The following MAPK8IP3 variants were observed in gnomAD, a reference collection of about 807,000 sequenced individuals.
The protein encoded by MAPK8IP3 is C-Jun-amino-terminal kinase-interacting protein 3.
MAPK8IP3 carries 49 observed loss-of-function variants against 157.8 expected under a neutral mutation model. That is an observed-to-expected ratio of 0.31 (90% CI 0.25 to 0.39). The LOEUF is 0.39. Among genes scored for constraint, MAPK8IP3 ranks in the 10% least tolerant of loss-of-function variants. The probability of loss-of-function intolerance (pLI) is 1.00; values close to 1 mark genes in which losing one functional copy is unlikely to be tolerated. For missense variants in MAPK8IP3, 1,478 were observed against 1,889.4 expected, an observed-to-expected ratio of 0.78 and a Z score of 4.04; for synonymous variants, 897 against 777.7, an observed-to-expected ratio of 1.15 and a Z score of -2.55.
chr16:1,744,563 A>G, intron 5 of MAPK8IP3: 1 of 985,630 alleles, frequency 1.0e-6, no homozygotes, highest in Non-Finnish European at 1.2e-6. Context: ...TTCTGGGCCC[A>G]GCCCTGCCAC....
At chr16:1,765,827 C>A in intron 20 of MAPK8IP3, 133 bp from the exon 21 acceptor site, 1 of 791,642 alleles carries the variant, frequency 1.3e-6, no homozygotes, top group Non-Finnish European at 2.0e-6. Context: ...GTGGGTGGAG[C>A]ATGTGTGGAA....
intron 1 of MAPK8IP3, among the ~76,000 whole-genome samples, chr16:1,721,449 T>C (rs756777853): frequency 6.6e-6 from 1 of 152,188 alleles, no homozygotes; most frequent in Non-Finnish European, 1.5e-5. Flanking sequence ...AAACCTTTTT[T>C]TTTAGAGAGA....
At chr16:1,739,426 G>C (rs147076168) in intron 4 of MAPK8IP3, among the ~76,000 whole-genome samples, 4 of 141,048 alleles carry the variant, frequency 2.8e-5, no homozygotes, top group Non-Finnish European at 6.2e-5. Flanking sequence ...CCCTGTGACC[G>C]TCCGTGTGAG....
In MAPK8IP3 at chr16:1,729,155, C is replaced by T. The variant is rs766431769; in HGVS notation, c.457C>T (p.Arg153Trp). 2.5e-6 allele frequency: 4 copies of T among 1,614,044 alleles called. No homozygotes were observed. Among genetic ancestry groups the T allele is most frequent in the South Asian group, 1.1e-5 (1 of 91,092 alleles). The change falls in exon 3 of 32, where the codon CGG (arginine) becomes TGG (tryptophan). Residue 153 changes from arginine to tryptophan, a missense_variant. This residue lies in a region of MAPK8IP3 where 315 missense variants were observed against 394.4 expected (regional missense o/e 0.80). Transcript: ENST00000610761. ...YADQISRLEERESEMKKEYNA... is the reference protein window; with the variant it reads ...YADQISRLEEWESEMKKEYNA... ...TTTTCCAGTTTCCCGGTTGGAGGAG[C>T]GGGAGTCGGAGATGAAGAAGGAGTA...
At chr16:1,757,542 A>G (rs1253107156) in intron 8 of MAPK8IP3, among the ~76,000 whole-genome samples, 5 of 152,278 alleles carry the variant, frequency 3.3e-5, no homozygotes, top group South Asian at 4.1e-4. Flanking sequence ...GGGAGGGGCC[A>G]GGACCCAGTG....
chr16:1,758,576 C>G (rs2041755859), intron 9 of MAPK8IP3, among the ~76,000 whole-genome samples: 1 of 152,226 alleles, frequency 6.6e-6, no homozygotes, highest in African/African-American at 2.4e-5. Context: ...GAGTCCTGCT[C>G]TCTGGCTGCA....
At chr16:1,739,198 CCGTGTGAGCGTCCGTGTGAG>C (rs2040406351) in intron 4 of MAPK8IP3, among the ~76,000 whole-genome samples, 1 of 114,650 alleles carries the variant, frequency 8.7e-6, no homozygotes, top group Non-Finnish European at 1.7e-5. Context: ...GTGTGACCGT[CCGTGTGAGCGTCCGTGTGAG>C]CGTGTGACCG....
Position 1,724,117 on chromosome 16 carries a change from T to A in MAPK8IP3, c.319-440T>A, listed in dbSNP as rs1273753316. 2.6e-5 allele frequency among the ~76,000 whole-genome samples: 4 copies of A among 152,152 alleles called. No individual in the cohort carries two copies. The highest frequency in any genetic ancestry group is 2.9e-5 in the Non-Finnish European group (2 of 68,018). The stretch of plus-strand genomic sequence containing the variant: ...ACAGGACTGGCTGTGTGCTCATGGA[T>A]CCCAGTGTAAAAATGGAAACACAGG... On this transcript the variant is annotated intron_variant, in intron 1 of 31. Transcript: ENST00000610761. This position sits in a 1 kb window ranked among gnomAD's most constrained non-coding sequence, Gnocchi z 4.1.
At chr16:1,725,303 C>G (rs941300834) in intron 2 of MAPK8IP3, among the ~76,000 whole-genome samples, 2 of 150,744 alleles carry the variant, frequency 1.3e-5, no homozygotes, top group Non-Finnish European at 2.9e-5. Context: ...TTGATACTGC[C>G]GTGTGGGCAC....
chr16:1,756,586 C>T (rs1472019377), intron 8 of MAPK8IP3, among the ~76,000 whole-genome samples: 2 of 151,228 alleles, frequency 1.3e-5, no homozygotes, highest in Non-Finnish European at 2.9e-5. Context: ...AGTTGAAGAC[C>T]AGCCTGGGCA....
At chr16:1,711,611 G>A (rs911798493) in intron 1 of MAPK8IP3, among the ~76,000 whole-genome samples, 13 of 152,298 alleles carry the variant, frequency 8.5e-5, no homozygotes, top group East Asian at 1.9e-4. Context: ...ATGGGGTGCC[G>A]GCTCTCCGGA....
chr16:1,720,282 C>A lies in MAPK8IP3; in HGVS notation c.319-4275C>A, dbSNP rs547593740. On this transcript the variant is annotated intron_variant, in intron 1 of 31. Transcript: ENST00000610761. ...AACTCCTGACCTCAGGTGATCCACC[C>A]GCCTTGGCCTCCCAAAGTGCTGGGA... Among the ~76,000 whole-genome samples the A allele has an allele frequency of 2.9e-4, 44 of 152,266 alleles. 1 individual carries two copies. The South Asian group carries it at 9.1e-3, about 32-fold the overall frequency.
chr16:1,768,587 G>A lies in MAPK8IP3; in HGVS notation c.3853G>A (p.Val1285Met). The A allele has an allele frequency of 6.3e-7, 1 of 1,595,016 alleles. No homozygotes were observed. The highest frequency in any genetic ancestry group is 1.1e-5 in the South Asian group (1 of 89,184). Residue 1285 changes from valine to methionine, a missense_variant, in exon 31 of 32, where the codon GTG (valine) becomes ATG (methionine). Transcript: ENST00000610761. ...GGGCCAGAAGCTGCGGAACGTGCTG[G>A]TGCTGAGCGGCGGGGAGGGCTACAT... Reference protein sequence around the residue: ...VEGQKLRNVLVLSGGEGYIDF... With the variant: ...VEGQKLRNVLMLSGGEGYIDF...
chr16:1,757,969 G>A (rs2041710482), intron 8 of MAPK8IP3, among the ~76,000 whole-genome samples, 179 bp from the exon 9 acceptor site: 1 of 152,254 alleles, frequency 6.6e-6, no homozygotes, highest in South Asian at 2.1e-4. Flanking sequence ...GCCTCTGCCT[G>A]GGCACACGGG....
intron 1 of MAPK8IP3, among the ~76,000 whole-genome samples, chr16:1,711,963 A>T (rs959944776): frequency 2.0e-5 from 3 of 150,988 alleles, no homozygotes; most frequent in Admixed American, 6.6e-5. Flanking sequence ...AAAAAGAAAA[A>T]AAAAGAAAAC....
chr16:1,711,433 C>G (rs1442475399), intron 1 of MAPK8IP3, among the ~76,000 whole-genome samples: 1 of 152,150 alleles, frequency 6.6e-6, no homozygotes, highest in Non-Finnish European at 1.5e-5. Flanking sequence ...GCAGGAAGAC[C>G]CATGGCATGC....
chr16:1,723,173 A>G (rs2038647061), intron 1 of MAPK8IP3, among the ~76,000 whole-genome samples: 1 of 152,016 alleles, frequency 6.6e-6, no homozygotes, highest in Non-Finnish European at 1.5e-5. Flanking sequence ...AGCTGAGATT[A>G]TAGGTGTGTG....
intron 5 of MAPK8IP3, chr16:1,745,536 A>T (rs2040911108): frequency 6.6e-6 from 1 of 152,388 alleles, no homozygotes; most frequent in African/African-American, 2.4e-5. Flanking sequence ...CCACTCCGGG[A>T]GGCGGGCTGC....
intron 4 of MAPK8IP3, among the ~76,000 whole-genome samples, chr16:1,736,715 C>A (rs1230108643): frequency 1.9e-5 from 1 of 53,404 alleles, no homozygotes. Flanking sequence ...TCCGTGTGAG[C>A]GTGTGACCGT....
Sources: allele counts gnomAD v4.1 joint callset (sites outside exome capture counted in the v4.1 genomes callset), GRCh38; gene constraint gnomAD v4.1.1; regional missense constraint gnomAD v4.1.1; non-coding constraint Gnocchi (gnomAD v3.1); transcripts MANE v1.5; gene names NCBI Gene and HGNC (gene_info 2026-07-23, HGNC 2026-07-21).